The following AGBL4 variants were observed in gnomAD, a reference collection of about 807,000 sequenced individuals.
AGBL4 encodes the protein AGBL carboxypeptidase 4, also known as cytosolic carboxypeptidase 6.
AGBL4 carries 58 observed loss-of-function variants against 66.4 expected under a neutral mutation model. That is an observed-to-expected ratio of 0.87 (90% CI 0.71 to 1.09). The LOEUF is 1.09. AGBL4 is among the 50% of genes least tolerant of loss of function. The pLI is 0.00. For synonymous variants in AGBL4, 234 were observed against 222.9 expected (o/e 1.05, Z -0.44); for missense variants, 579 against 631.0 (o/e 0.92, Z 0.88).
At chr1:49,195,678 TG>T (rs1647220255) in intron 4 of AGBL4, among the ~76,000 whole-genome samples, 1 of 152,196 alleles carries the variant, frequency 6.6e-6, no homozygotes, top group Admixed American at 6.5e-5. Flanking sequence ...TTGGACCTCT[TG>T]TATCTAGATA....
At chr1:48,607,060 A>G (rs1001846711) in intron 9 of AGBL4, among the ~76,000 whole-genome samples, 4 of 152,156 alleles carry the variant, frequency 2.6e-5, no homozygotes, top group Non-Finnish European at 5.9e-5. Context: ...CATGGGTTAA[A>G]TGAGCTAGTG....
At chr1:48,604,293 G>T (rs898884881) in intron 9 of AGBL4, among the ~76,000 whole-genome samples, 60 of 152,076 alleles carry the variant, frequency 3.9e-4, no homozygotes, top group African/African-American at 1.3e-3. Flanking sequence ...ATTGAGGGGG[G>T]GCATCCACTG....
chr1:50,011,293 A>G (rs1023667102), intron 1 of AGBL4, among the ~76,000 whole-genome samples: 3 of 152,216 alleles, frequency 2.0e-5, no homozygotes, highest in Admixed American at 1.3e-4. Flanking sequence ...GGTGTTTGAC[A>G]TCATTGATCA....
intron 6 of AGBL4, among the ~76,000 whole-genome samples, chr1:48,667,748 G>A (rs529837995): frequency 5.9e-5 from 9 of 152,232 alleles, no homozygotes; most frequent in Admixed American, 1.3e-4. Flanking sequence ...CCATAATCTC[G>A]GAGCCAAGAT....
chr1:49,828,243 A>G lies in AGBL4; in HGVS notation c.157+23153T>C, dbSNP rs113790431. Among the ~76,000 whole-genome samples the G allele has an allele frequency of 4.6e-5, 7 of 152,292 alleles. No individual in the cohort carries two copies. The East Asian group carries it at 1.2e-3, about 25-fold the overall frequency. ...GCCTACTCTATGTTAGGCTCTGGAG[A>G]TAGAGCAAATAGACAAAGTAACTAT... On this transcript the variant is annotated intron_variant, in intron 2 of 13. Transcript: ENST00000371839.
At chr1:49,113,545 G>A (rs762554044) in intron 4 of AGBL4, among the ~76,000 whole-genome samples, 33 of 152,110 alleles carry the variant, frequency 2.2e-4, no homozygotes, top group East Asian at 1.9e-4. Flanking sequence ...GAGCCACTGC[G>A]CCCAGACACA....
intron 1 of AGBL4, among the ~76,000 whole-genome samples, chr1:49,985,490 G>A (rs60102752): frequency 0.019 from 2,816 of 152,132 alleles, 81 homozygotes; most frequent in African/African-American, 0.064. Context: ...AAAATCACAA[G>A]TATAGACTTT....
At chr1:48,689,620 T>C (rs1646597026) in intron 6 of AGBL4, among the ~76,000 whole-genome samples, 1 of 152,190 alleles carries the variant, frequency 6.6e-6, no homozygotes, top group Non-Finnish European at 1.5e-5. Context: ...GAAATGGGTA[T>C]ATCTGCCCAT....
At chr1:49,056,143 C>T (rs920170012) in intron 4 of AGBL4, among the ~76,000 whole-genome samples, 1 of 152,046 alleles carries the variant, frequency 6.6e-6, no homozygotes, top group African/African-American at 2.4e-5. Context: ...AACTCTCTTT[C>T]ACCCTTCAAT....
At chr1:49,133,410 T>A (rs1040255717) in intron 4 of AGBL4, among the ~76,000 whole-genome samples, 3 of 152,034 alleles carry the variant, frequency 2.0e-5, no homozygotes, top group Non-Finnish European at 2.9e-5. Flanking sequence ...AAATAAATTC[T>A]TAAGAAAAAT....
chr1:49,574,932 G>T (rs1022762971), intron 3 of AGBL4, among the ~76,000 whole-genome samples: 3 of 151,994 alleles, frequency 2.0e-5, no homozygotes, highest in Non-Finnish European at 4.4e-5. Flanking sequence ...TAAAGACAGA[G>T]AATCATGGCC....
intron 6 of AGBL4, among the ~76,000 whole-genome samples, chr1:48,681,539 CA>C (rs1570238362): frequency 6.6e-6 from 1 of 152,168 alleles, no homozygotes; most frequent in Non-Finnish European, 1.5e-5. Context: ...CCCTCAGTGG[CA>C]GCAGGATATC....
chr1:48,729,998 T>C (rs1211114137), intron 6 of AGBL4, among the ~76,000 whole-genome samples: 2 of 152,164 alleles, frequency 1.3e-5, no homozygotes, highest in Non-Finnish European at 2.9e-5. Flanking sequence ...TGCTCATCTC[T>C]GCTTAAGTCC....
At chr1:49,593,201 T>C (rs960364340) in intron 3 of AGBL4, among the ~76,000 whole-genome samples, 9 of 152,018 alleles carry the variant, frequency 5.9e-5, no homozygotes, top group Admixed American at 5.2e-4. Flanking sequence ...GAGGTCAGAT[T>C]GAGACCATCC....
At chr1:48,740,665 T>C (rs796866502) in intron 6 of AGBL4, among the ~76,000 whole-genome samples, 20 of 152,314 alleles carry the variant, frequency 1.3e-4, no homozygotes, top group African/African-American at 4.8e-4. Flanking sequence ...AAAAGTTTTA[T>C]AGGACAAAAA....
chr1:49,149,626 T>G (rs1409603372), intron 4 of AGBL4, among the ~76,000 whole-genome samples: 5 of 152,228 alleles, frequency 3.3e-5, no homozygotes, highest in African/African-American at 9.6e-5. Context: ...TTTATTCACA[T>G]TTTTCTGTAT....
At chr1:49,000,259 A>C (rs773136646) in intron 5 of AGBL4, among the ~76,000 whole-genome samples, 1 of 152,148 alleles carries the variant, frequency 6.6e-6, no homozygotes, top group Non-Finnish European at 1.5e-5. Flanking sequence ...GTTTGAGTCC[A>C]TGCTTTTAAC....
intron 2 of AGBL4, among the ~76,000 whole-genome samples, chr1:49,757,799 G>T (rs1322363051): frequency 1.3e-5 from 2 of 152,152 alleles, no homozygotes; most frequent in African/African-American, 4.8e-5. Context: ...GAGCATGAAA[G>T]TTTGGAAAAT....
chr1:49,089,625 C>T (rs1644968002), intron 4 of AGBL4, among the ~76,000 whole-genome samples: 1 of 152,004 alleles, frequency 6.6e-6, no homozygotes, highest in South Asian at 2.1e-4. Flanking sequence ...CCAGAAAAAG[C>T]CTAGGACCAG....
Sources: allele counts gnomAD v4.1 joint callset (sites outside exome capture counted in the v4.1 genomes callset), GRCh38; gene constraint gnomAD v4.1.1; transcripts MANE v1.5; gene names NCBI Gene and HGNC (gene_info 2026-07-23, HGNC 2026-07-21).